IFT140: variants seen among roughly 807,000 people sequenced by gnomAD.
The protein encoded by IFT140 is intraflagellar transport 140.
A neutral mutation model predicts 164.6 loss-of-function variants in IFT140; 133 were observed. The ratio of observed to expected loss-of-function variants is 0.81; its 90% CI spans 0.70 to 0.93. The LOEUF (loss-of-function observed/expected upper bound fraction) is 0.93. Among genes scored for constraint, IFT140 ranks in the 40% least tolerant of loss-of-function variants. The probability of loss-of-function intolerance (pLI) is 0.00; values close to 1 mark genes in which losing one functional copy is unlikely to be tolerated. For missense variants in IFT140, 2,045 were observed against 1,972.3 expected, an observed-to-expected ratio of 1.04 and a Z score of -0.70; for synonymous variants, 860 against 817.3, an observed-to-expected ratio of 1.05 and a Z score of -0.89.
intron 19 of IFT140, among the ~76,000 whole-genome samples, chr16:1,557,140 G>GC (rs1484059515): frequency 2.0e-5 from 3 of 152,198 alleles, no homozygotes; most frequent in Non-Finnish European, 2.9e-5. Context: ...GTTTAAACTG[G>GC]CCACAGGGTC....
At chr16:1,573,649 C>G (rs1167898312) in intron 13 of IFT140, among the ~76,000 whole-genome samples, 2 of 152,146 alleles carry the variant, frequency 1.3e-5, no homozygotes, top group Admixed American at 1.3e-4. Context: ...CAGTTCTATA[C>G]TCTCTGTAGC....
intron 4 of IFT140, among the ~76,000 whole-genome samples, chr16:1,596,847 A>C (rs942232582): frequency 6.6e-6 from 1 of 151,658 alleles, no homozygotes; most frequent in Admixed American, 6.6e-5. Context: ...CTCCGCCTTC[A>C]TTTTTTTGTA....
chr16:1,589,895 A>G, intron 6 of IFT140, 115 bp from the exon 7 acceptor site: 1 of 987,856 alleles, frequency 1.0e-6, no homozygotes, highest in South Asian at 1.7e-5. Flanking sequence ...AAGCATCTTC[A>G]GTATAAGAAC....
At chr16:1,518,467 G>T in intron 29 of IFT140, 110 bp from the exon 30 acceptor site, 3 of 1,054,014 alleles carry the variant, frequency 2.8e-6, no homozygotes, top group East Asian at 2.8e-5. Flanking sequence ...AATGGCAGGA[G>T]GAAACTTTCT....
In IFT140 at chr16:1,520,784, G is replaced by A. The variant is rs2040503055; in HGVS notation, c.3478C>T (p.Leu1160=). The A allele has an allele frequency of 2.5e-6, 4 of 1,605,732 alleles. No homozygotes were observed. Among genetic ancestry groups the A allele is most frequent in the Non-Finnish European group, 3.4e-6 (4 of 1,179,950 alleles). Residue 1160 remains leucine (L), a synonymous_variant, in exon 27 of 31, where the codon CTG becomes TTG. Transcript: ENST00000426508. ...TCGGTGATGCTCATGTTCTGCCCCA[G>A]GCACAGCTGCAGGGCTTCCTGATAC... The part of the protein sequence containing the change: ...RKYQEALQLC[L]GQNMSITEEM...
chr16:1,579,171 T>C (rs2034427877), intron 13 of IFT140: 2 of 152,070 alleles, frequency 1.3e-5, no homozygotes, highest in Admixed American at 1.3e-4. Context: ...AAAAGGAAAA[T>C]GTTATTAAGA....
chr16:1,554,360 T>A (rs1396982443), intron 19 of IFT140, among the ~76,000 whole-genome samples: 1 of 152,236 alleles, frequency 6.6e-6, no homozygotes, highest in Non-Finnish European at 1.5e-5. Flanking sequence ...CAGAGATGGA[T>A]TTAACACAAA....
chr16:1,525,798 C>G, intron 21 of IFT140, 89 bp downstream of exon 21: 3 of 1,315,696 alleles, frequency 2.3e-6, no homozygotes, highest in Non-Finnish European at 3.0e-6. Flanking sequence ...AAGAACCTCC[C>G]TGGCCACCTC....
In IFT140 at chr16:1,564,257, TC is replaced by T; in HGVS notation, c.1902-96del. 1 of 1,118,428 alleles carries T rather than the reference TC, an allele frequency of 8.9e-7. No individual in the cohort carries two copies. Among genetic ancestry groups the T allele is most frequent in the Non-Finnish European group, 1.2e-6 (1 of 812,724 alleles). The allele number at this position is 1,118,428 out of a possible 1,614,324, so 69.3% of individuals were successfully genotyped here. ...ACATTCCCGAAGCCTCCAGGTGCTG[TC>T]CCAGACCATGGTGTCCACGCGCTCA... On this transcript the variant is annotated intron_variant, in intron 16 of 30. Coordinates refer to ENST00000426508, the MANE Select transcript of IFT140 (RefSeq NM_014714.4). The surrounding 1 kb of genome is among the most constrained non-coding windows in gnomAD (Gnocchi z 5.5).
chr16:1,526,240 A>T, intron 20 of IFT140, 163 bp from the exon 21 acceptor site: 4 of 680,702 alleles, frequency 5.9e-6, no homozygotes, highest in Non-Finnish European at 9.8e-6. Context: ...CCCACGGGGC[A>T]TCCCCGTCCC....
intron 7 of IFT140, among the ~76,000 whole-genome samples, chr16:1,588,797 C>A (rs536182320): frequency 2.0e-5 from 3 of 152,224 alleles, no homozygotes; most frequent in Admixed American, 2.0e-4. Context: ...GGAGCCCTAA[C>A]CCCCAGTGCA....
intron 17 of IFT140, among the ~76,000 whole-genome samples, 191 bp from the exon 18 acceptor site, chr16:1,562,307 G>A (rs570857302): frequency 1.4e-4 from 21 of 152,076 alleles, no homozygotes; most frequent in African/African-American, 4.8e-4. Context: ...AAACCAACAC[G>A]CCTACTGGAA....
intron 12 of IFT140, among the ~76,000 whole-genome samples, chr16:1,581,923 A>C (rs2034592597): frequency 6.6e-6 from 1 of 151,958 alleles, no homozygotes; most frequent in Non-Finnish European, 1.5e-5. Context: ...GAGAAAAAAA[A>C]ATGTGGGAAA....
In IFT140 at chr16:1,600,685, G is replaced by A. The variant is rs76029189; in HGVS notation, c.369+1685C>T. Among the ~76,000 whole-genome samples, 201 of 152,184 alleles carry A rather than the reference G, an allele frequency of 1.3e-3. 1 individual carries two copies. In the East Asian group the frequency reaches 0.037, roughly 28 times the overall value. On this transcript the variant is annotated intron_variant, in intron 4 of 30. Coordinates refer to ENST00000426508, the MANE Select transcript of IFT140 (RefSeq NM_014714.4). Reference sequence around the variant, plus strand: ...GAATCACCAGGATACGCTGTAAAATGAAAAAGCAAGAGACATGACAGTGTG... The same window carrying A: ...GAATCACCAGGATACGCTGTAAAATAAAAAAGCAAGAGACATGACAGTGTG...
rs1445278192 is a variant in IFT140, at chr16:1,510,681, G to C, written c.*263C>G. On this transcript the variant is annotated 3_prime_UTR_variant, in exon 31 of 31. Coordinates refer to ENST00000426508, the MANE Select transcript of IFT140 (RefSeq NM_014714.4). ...GTGTAGTTGGGAGAATACGATGGAA[G>C]GGTGAACCCGACTCCCTTCAAAGGA... The C allele has an allele frequency of 1.7e-6, 1 of 572,470 alleles. No homozygotes were observed. The highest frequency in any genetic ancestry group is 3.0e-5 in the East Asian group (1 of 33,432). 35.5% of individuals were successfully genotyped at this position (572,470 alleles called of 1,614,324 possible).
At position 1,525,933 on chromosome 16, in the gene IFT140, C is replaced by G; in HGVS notation, c.2722G>C (p.Ala908Pro). Residue 908 changes from alanine to proline, a missense_variant, in exon 21 of 31, where the codon GCC (alanine) becomes CCC (proline). By Grantham distance (27) the Ala-to-Pro change is conservative. Transcript: ENST00000426508. Reference sequence around the variant, plus strand: ...TCGGCGCTGGCCTCCAGGTGCCCGGCATAGCGGTGGTAGGTGCTGCGCAGG... The same window carrying G: ...TCGGCGCTGGCCTCCAGGTGCCCGGGATAGCGGTGGTAGGTGCTGCGCAGG... ...VHLRSTYHRY[A>P]GHLEASADCS... 6.4e-7 allele frequency: 1 copy of G among 1,573,676 alleles called. No individual in the cohort carries two copies. The highest frequency in any genetic ancestry group is 2.3e-5 in the East Asian group (1 of 42,584).
intron 4 of IFT140, among the ~76,000 whole-genome samples, chr16:1,593,657 C>G (rs567040508): frequency 1.1e-3 from 173 of 152,226 alleles, no homozygotes; most frequent in Non-Finnish European, 2.2e-3. Flanking sequence ...GGATGCCCCT[C>G]CACTGGGATT....
intron 3 of IFT140, among the ~76,000 whole-genome samples, chr16:1,603,878 T>C (rs1236845123): frequency 6.6e-6 from 1 of 152,224 alleles, no homozygotes; most frequent in African/African-American, 2.4e-5. Flanking sequence ...GTTGTTCCAC[T>C]GGGCTTAGGA....
At chr16:1,606,586 G>A (rs543727969) in intron 3 of IFT140, among the ~76,000 whole-genome samples, 9 of 152,108 alleles carry the variant, frequency 5.9e-5, no homozygotes, top group Non-Finnish European at 1.2e-4. Flanking sequence ...TCAGCCTCCC[G>A]AGTAGCTGGG....
Sources: allele counts gnomAD v4.1 joint callset (sites outside exome capture counted in the v4.1 genomes callset), GRCh38; gene constraint gnomAD v4.1.1; non-coding constraint Gnocchi (gnomAD v3.1); transcripts MANE v1.5; gene names NCBI Gene and HGNC (gene_info 2026-07-23, HGNC 2026-07-21).